The following NEK1 variants were observed in gnomAD, a reference collection of about 807,000 sequenced individuals.
NEK1 encodes NIMA related kinase 1.
In NEK1, 137 loss-of-function variants were observed where a neutral mutation model predicts 182.1. The observed-to-expected ratio is 0.75, with a 90% CI of 0.65 to 0.87. The LOEUF (loss-of-function observed/expected upper bound fraction) is 0.87. NEK1 is among the 40% of genes least tolerant of loss of function. NEK1 has a pLI of 0.00. For synonymous variants in NEK1, 513 were observed against 492.2 expected, an observed-to-expected ratio of 1.04 and a Z score of -0.56; for missense variants, 1,391 against 1,494.4, an observed-to-expected ratio of 0.93 and a Z score of 1.14.
chr4:169,425,060 C>T (rs1407131850), intron 30 of NEK1, among the ~76,000 whole-genome samples: 1 of 152,138 alleles, frequency 6.6e-6, no homozygotes, highest in Non-Finnish European at 1.5e-5. Flanking sequence ...CAAGGGTGGG[C>T]ATGGTGGCTA....
At chr4:169,570,352 G>A (rs1764542901) in intron 12 of NEK1, among the ~76,000 whole-genome samples, 1 of 151,898 alleles carries the variant, frequency 6.6e-6, no homozygotes, top group South Asian at 2.1e-4. Context: ...CCCCGTCCGG[G>A]AGGGAGGTGG....
intron 18 of NEK1, among the ~76,000 whole-genome samples, chr4:169,544,404 T>C (rs1483694800): frequency 6.6e-6 from 1 of 152,156 alleles, no homozygotes; most frequent in Non-Finnish European, 1.5e-5. Flanking sequence ...ACAATGTTCA[T>C]CAGGGATATT....
intron 18 of NEK1, among the ~76,000 whole-genome samples, chr4:169,546,123 T>C (rs935171839): frequency 6.6e-6 from 1 of 152,214 alleles, no homozygotes; most frequent in African/African-American, 2.4e-5. Flanking sequence ...GGGCATTTAG[T>C]GCTATAAATT....
intron 23 of NEK1, among the ~76,000 whole-genome samples, chr4:169,481,418 A>T (rs1747981174): frequency 6.6e-6 from 1 of 152,218 alleles, no homozygotes; most frequent in South Asian, 2.1e-4. Flanking sequence ...CCTTAAAAAA[A>T]TGTATTTCTT....
chr4:169,593,721 G>A (rs758856204), intron 5 of NEK1, among the ~76,000 whole-genome samples: 1 of 152,162 alleles, frequency 6.6e-6, no homozygotes, highest in Non-Finnish European at 1.5e-5. Flanking sequence ...AGGCGCCGTG[G>A]CTCACGCCTG....
intron 22 of NEK1, 49 bp from the exon 23 acceptor site, chr4:169,507,181 AG>A (rs761999110): frequency 1.7e-5 from 13 of 749,322 alleles, no homozygotes; most frequent in East Asian, 3.4e-5. Context: ...AGAAGGGCAG[AG>A]GTTTTTTTTT....
chr4:169,537,835 T>C lies in NEK1; in HGVS notation c.1639A>G (p.Asn547Asp). 2 of 1,612,980 alleles carry C rather than the reference T, an allele frequency of 1.2e-6. No individual in the cohort carries two copies. The highest frequency in any genetic ancestry group is 1.7e-6 in the Non-Finnish European group (2 of 1,179,276). Reference protein sequence around the residue: ...FLQRKREAMQNKARAEGHMGI... With the variant: ...FLQRKREAMQDKARAEGHMGI... ...ATATGTCCTTCGGCTCGAGCTTTAT[T>C]CTGCATAGCTTCCCGTTTTCGCTGC... Residue 547 changes from asparagine (N) to aspartate (D), a missense_variant, in exon 19 of 36, where the codon AAT (asparagine) becomes GAT (aspartate). This residue lies in a region of NEK1 where 1,216 missense variants were observed against 1,277.6 expected (regional missense o/e 0.95). Transcript: ENST00000507142.
chr4:169,593,464 A>G (rs1768882441), intron 5 of NEK1, among the ~76,000 whole-genome samples: 1 of 152,240 alleles, frequency 6.6e-6, no homozygotes, highest in South Asian at 2.1e-4. Context: ...TTGAAAAAGC[A>G]TACAGAAGGA....
At chr4:169,473,185 G>C (rs1746331242) in intron 26 of NEK1, among the ~76,000 whole-genome samples, 1 of 150,766 alleles carries the variant, frequency 6.6e-6, no homozygotes, top group Non-Finnish European at 1.5e-5. Context: ...AGGATCATTT[G>C]AGCCCAGAAA....
intron 12 of NEK1, among the ~76,000 whole-genome samples, chr4:169,574,973 G>A (rs1290316999): frequency 6.6e-6 from 1 of 152,150 alleles, no homozygotes; most frequent in African/African-American, 2.4e-5. Flanking sequence ...TTACAGGTTG[G>A]TGCAAAAGTA....
chr4:169,569,498 GGTCTCCCTCTCCCTCTCTTTCCACA>G (rs1197183650), intron 12 of NEK1, among the ~76,000 whole-genome samples: 8 of 95,266 alleles, frequency 8.4e-5, no homozygotes, highest in Admixed American at 1.5e-4. Context: ...CTCTCCCCAT[GGTCTCCCTCTCCCTCTCTTTCCACA>G]GTCTCCCTCT....
At chr4:169,430,100 G>A (rs142257575) in intron 29 of NEK1, among the ~76,000 whole-genome samples, 13 of 152,052 alleles carry the variant, frequency 8.5e-5, no homozygotes, top group African/African-American at 1.7e-4. Flanking sequence ...ATCAAACACC[G>A]GTTTTCTATT....
chr4:169,477,592 T>C, intron 24 of NEK1, 95 bp from the exon 25 acceptor site: 1 of 919,914 alleles, frequency 1.1e-6, no homozygotes, highest in Non-Finnish European at 1.6e-6. Flanking sequence ...TGGTTTTCAT[T>C]AATTTGTTCC....
At chr4:169,406,882 A>T in intron 31 of NEK1, 135 bp from the exon 32 acceptor site, 2 of 442,722 alleles carry the variant, frequency 4.5e-6, no homozygotes, top group Non-Finnish European at 7.7e-6. Flanking sequence ...TTATATATGT[A>T]ACATATATAT....
intron 12 of NEK1, among the ~76,000 whole-genome samples, chr4:169,571,199 T>A (rs148670126): frequency 0.052 from 7,689 of 149,108 alleles, 674 homozygotes; most frequent in African/African-American, 0.18. Flanking sequence ...AATAAATAAA[T>A]AAATAAATAA....
rs72973063 is a variant in NEK1, at chr4:169,472,687, C to T, written c.2434+4437G>A. On this transcript the variant is annotated intron_variant, in intron 26 of 35. Transcript: ENST00000507142. ...TTGCCTCAGAGGTGCTCTCAATCATCTCCAGCCCCACCATCTCAGAGATCT... is the reference window on the plus strand; with the variant it reads ...TTGCCTCAGAGGTGCTCTCAATCATTTCCAGCCCCACCATCTCAGAGATCT... Among the ~76,000 whole-genome samples, 1,218 of 152,322 alleles carry T rather than the reference C, an allele frequency of 8.0e-3. 20 individuals are homozygous for T. Among genetic ancestry groups the T allele is most frequent in the African/African-American group, 0.027 (1,137 of 41,570 alleles).
rs57287742 is a variant in NEK1 at position 169,608,116 on chromosome 4, T to TACACACACAC, written c.-49+3894_-49+3903dup. ...TTTAAAGTTCAGACACACACACACA[T>TACACACACAC]ACACACACACACACACACACACAAA... On this transcript the variant is annotated intron_variant, in intron 2 of 35. Transcript: ENST00000507142. 6.4e-3 allele frequency among the ~76,000 whole-genome samples: 943 copies of TACACACACAC among 148,102 alleles called. 8 individuals are homozygous for TACACACACAC. Among genetic ancestry groups the TACACACACAC allele is most frequent in the African/African-American group, 0.015 (594 of 40,338 alleles).
chr4:169,596,814 A>G (rs1323566514), intron 5 of NEK1, among the ~76,000 whole-genome samples: 1 of 152,244 alleles, frequency 6.6e-6, no homozygotes, highest in Non-Finnish European at 1.5e-5. Flanking sequence ...TAAAATAAAT[A>G]GCATCCTTAT....
chr4:169,587,476 G>C, intron 9 of NEK1, 83 bp downstream of exon 9: 2 of 775,968 alleles, frequency 2.6e-6, no homozygotes, highest in Admixed American at 7.2e-5. Context: ...TTACCTGAAA[G>C]ATAATATAAC....
Sources: gnomAD v4.1 joint callset for allele counts (sites outside exome capture counted in the v4.1 genomes callset) on GRCh38, gnomAD v4.1.1 for gene constraint, gnomAD v4.1.1 regional missense constraint, MANE v1.5 for transcripts, NCBI Gene and HGNC (gene_info 2026-07-23, HGNC 2026-07-21) for gene names.